CNTNAP2: variants seen among roughly 807,000 people sequenced by gnomAD.
CNTNAP2 encodes contactin associated protein 2.
A neutral mutation model predicts 155.2 loss-of-function variants in CNTNAP2; 98 were observed. The ratio of observed to expected loss-of-function variants is 0.63; its 90% CI spans 0.54 to 0.75. The LOEUF is 0.75. Ranked by LOEUF, CNTNAP2 falls within the 30% of genes least tolerant of loss-of-function variation. The pLI is 0.00. For missense variants in CNTNAP2, 1,727 were observed against 1,688.1 expected, an observed-to-expected ratio of 1.02 and a Z score of -0.40; for synonymous variants, 651 against 631.2, an observed-to-expected ratio of 1.03 and a Z score of -0.47.
intron 3 of CNTNAP2, among the ~76,000 whole-genome samples, chr7:146,975,688 A>T (rs1014097292): frequency 6.6e-6 from 1 of 152,180 alleles, no homozygotes; most frequent in African/African-American, 2.4e-5. Context: ...ATGAAATCAC[A>T]GATGTGCTCC....
chr7:148,286,646 AAATT>A (rs1409797264), intron 21 of CNTNAP2, among the ~76,000 whole-genome samples: 6 of 152,216 alleles, frequency 3.9e-5, no homozygotes, highest in Admixed American at 6.5e-5. Context: ...TATTTTATCA[AAATT>A]AATTAATATC....
intron 3 of CNTNAP2, among the ~76,000 whole-genome samples, chr7:146,964,817 A>C (rs1401239231): frequency 6.6e-6 from 1 of 152,166 alleles, no homozygotes; most frequent in African/African-American, 2.4e-5. Context: ...GCATGAAAGC[A>C]GCCATGGACA....
chr7:148,322,392 G>T (rs111710147), intron 21 of CNTNAP2, among the ~76,000 whole-genome samples: 17 of 152,234 alleles, frequency 1.1e-4, no homozygotes, highest in African/African-American at 3.6e-4. Flanking sequence ...AAATATTCCC[G>T]CTAGAGCATG....
chr7:148,358,153 G>A (rs1166227673), intron 21 of CNTNAP2, among the ~76,000 whole-genome samples: 1 of 152,160 alleles, frequency 6.6e-6, no homozygotes, highest in South Asian at 2.1e-4. Context: ...ACTGGCTGAG[G>A]GAGTGTCTGA....
intron 12 of CNTNAP2, among the ~76,000 whole-genome samples, chr7:147,604,064 A>C (rs1801009643): frequency 6.6e-6 from 1 of 152,312 alleles, no homozygotes; most frequent in South Asian, 2.1e-4. Context: ...CTTATACAAA[A>C]ATTAATTCAA....
intron 8 of CNTNAP2, among the ~76,000 whole-genome samples, chr7:147,256,434 T>C (rs1804329445): frequency 6.6e-6 from 1 of 152,096 alleles, no homozygotes; most frequent in Admixed American, 6.6e-5. Flanking sequence ...GGTCACTAGG[T>C]GTAAAAATGG....
At chr7:146,748,716 A>T (rs1295137548) in intron 1 of CNTNAP2, among the ~76,000 whole-genome samples, 1 of 152,216 alleles carries the variant, frequency 6.6e-6, no homozygotes, top group Non-Finnish European at 1.5e-5. Context: ...CTTTTCAACA[A>T]GGAGTTCTTA....
chr7:147,777,542 G>A (rs1584950189), intron 13 of CNTNAP2, among the ~76,000 whole-genome samples: 1 of 152,152 alleles, frequency 6.6e-6, no homozygotes, highest in African/African-American at 2.4e-5. Context: ...GCAGCAGCTT[G>A]TACACTGGGC....
chr7:147,010,738 A>C lies in CNTNAP2; in HGVS notation c.403-33169A>C, dbSNP rs915057464. Reference sequence around the variant, plus strand: ...TAGAAGAGTACCAACTAGTCAGCGCAGAAGTAATGATGGAATCAGGAAATC... The same window carrying C: ...TAGAAGAGTACCAACTAGTCAGCGCCGAAGTAATGATGGAATCAGGAAATC... On this transcript the variant is annotated intron_variant, in intron 3 of 23. Transcript: ENST00000361727. 6.6e-5 allele frequency among the ~76,000 whole-genome samples: 10 copies of C among 152,198 alleles called. 1 individual carries two copies. The South Asian group carries it at 2.1e-3, about 31-fold the overall frequency.
At chr7:147,894,603 C>T (rs1365980390) in intron 13 of CNTNAP2, among the ~76,000 whole-genome samples, 1 of 152,142 alleles carries the variant, frequency 6.6e-6, no homozygotes, top group African/African-American at 2.4e-5. Flanking sequence ...AAAACTAGTT[C>T]TCATCAAGCC....
At chr7:147,742,060 C>G (rs753918680) in intron 13 of CNTNAP2, among the ~76,000 whole-genome samples, 1 of 152,064 alleles carries the variant, frequency 6.6e-6, no homozygotes, top group Admixed American at 6.6e-5. Context: ...GGGAAACTCC[C>G]CTTTATAAAC....
At chr7:147,670,622 A>G (rs1795771192) in intron 13 of CNTNAP2, among the ~76,000 whole-genome samples, 1 of 152,162 alleles carries the variant, frequency 6.6e-6, no homozygotes. Flanking sequence ...ATAACTTTGG[A>G]GAAGAATCTG....
intron 2 of CNTNAP2, among the ~76,000 whole-genome samples, chr7:146,830,131 G>A (rs530814739): frequency 3.3e-5 from 5 of 151,858 alleles, no homozygotes; most frequent in South Asian, 4.1e-4. Flanking sequence ...TACTATAATC[G>A]AATTTATATT....
chr7:146,542,016 A>T (rs190616903), intron 1 of CNTNAP2, among the ~76,000 whole-genome samples: 209 of 151,820 alleles, frequency 1.4e-3, no homozygotes, highest in African/African-American at 1.0e-3. Flanking sequence ...GAAAATAAAC[A>T]TTTTTTTTCA....
At chr7:147,597,764 G>A (rs1800852597) in intron 12 of CNTNAP2, among the ~76,000 whole-genome samples, 1 of 152,216 alleles carries the variant, frequency 6.6e-6, no homozygotes, top group Non-Finnish European at 1.5e-5. Flanking sequence ...TTGCGAGTAA[G>A]AGTGGGAAAT....
intron 1 of CNTNAP2, among the ~76,000 whole-genome samples, chr7:146,642,122 T>G (rs1010204787): frequency 1.5e-4 from 23 of 151,784 alleles, no homozygotes; most frequent in African/African-American, 5.3e-4. Context: ...TTTTGTTTTG[T>G]TTTGGTTTTT....
chr7:146,969,805 A>G (rs1211240590), intron 3 of CNTNAP2, among the ~76,000 whole-genome samples: 1 of 152,170 alleles, frequency 6.6e-6, no homozygotes. Flanking sequence ...CCTGACTTCA[A>G]ACTATACTAC....
intron 2 of CNTNAP2, among the ~76,000 whole-genome samples, chr7:146,828,893 C>G (rs972609507): frequency 3.9e-5 from 6 of 151,982 alleles, no homozygotes; most frequent in Non-Finnish European, 8.8e-5. Context: ...CTCAGGCTAG[C>G]CTCTGTGTAT....
intron 11 of CNTNAP2, among the ~76,000 whole-genome samples, chr7:147,502,822 T>A (rs1275757528): frequency 2.0e-5 from 3 of 151,826 alleles, no homozygotes; most frequent in Admixed American, 2.0e-4. Flanking sequence ...TGTACCTCCA[T>A]GAGACTGAAA....
Sources: gnomAD v4.1 joint callset for allele counts (sites outside exome capture counted in the v4.1 genomes callset) on GRCh38, gnomAD v4.1.1 for gene constraint, MANE v1.5 for transcripts, NCBI Gene and HGNC (gene_info 2026-07-23, HGNC 2026-07-21) for gene names.